The following ADTRP variants were observed in gnomAD, a reference collection of about 807,000 sequenced individuals.
The protein encoded by ADTRP is androgen-dependent TFPI-regulating protein.
Under a neutral mutation model 27.0 loss-of-function variants are expected in ADTRP, and 20 were observed. The observed-to-expected ratio is 0.74, with a 90% CI of 0.52 to 1.08. ADTRP has a LOEUF of 1.08. Ranked by LOEUF, ADTRP falls within the 50% of genes least tolerant of loss-of-function variation. The pLI, the probability that ADTRP is intolerant of heterozygous loss-of-function variation, is 0.00. For missense variants in ADTRP, 251 were observed against 275.0 expected (o/e 0.91, Z 0.62); for synonymous variants, 101 against 105.2 (o/e 0.96, Z 0.25).
chr6:11,721,730 C>A lies in ADTRP; in HGVS notation c.658+1619G>T, dbSNP rs201053749. Among the ~76,000 whole-genome samples, 16 of 152,182 alleles carry A rather than the reference C, an allele frequency of 1.1e-4. No individual in the cohort carries two copies. In the East Asian group the frequency reaches 2.7e-3, roughly 26 times the overall value. ...GAGGTAGTTGAGGGTCCATATGATG[C>A]CAGCTTATCTGTTTATTGAGACCTA... On this transcript the variant is annotated intron_variant, in intron 5 of 5. Transcript: ENST00000414691.
At chr6:11,769,483 C>T (rs967618688) in intron 1 of ADTRP, among the ~76,000 whole-genome samples, 5 of 152,242 alleles carry the variant, frequency 3.3e-5, no homozygotes, top group Non-Finnish European at 7.4e-5. Context: ...CACCCAGGAG[C>T]TTGTTAGAAA....
chr6:11,747,526 C>T (rs1369230525), intron 3 of ADTRP, among the ~76,000 whole-genome samples: 1 of 152,196 alleles, frequency 6.6e-6, no homozygotes, highest in Non-Finnish European at 1.5e-5. Context: ...TTATTCTGCC[C>T]TCAACATAAG....
chr6:11,717,171 T>C (rs1761860060), intron 5 of ADTRP: 1 of 892,726 alleles, frequency 1.1e-6, no homozygotes, highest in South Asian at 1.8e-5. Flanking sequence ...ATTTTCTTGA[T>C]TGAGAAGCAT....
intron 3 of ADTRP, among the ~76,000 whole-genome samples, chr6:11,764,140 C>T (rs1348405843): frequency 6.6e-6 from 1 of 152,208 alleles, no homozygotes; most frequent in Admixed American, 6.5e-5. Context: ...GCTTGTGAGG[C>T]ACAAAAATAT....
At chr6:11,719,185 GAGATGTAAT>G (rs1171647463) in intron 5 of ADTRP, among the ~76,000 whole-genome samples, 2 of 152,208 alleles carry the variant, frequency 1.3e-5, no homozygotes, top group Non-Finnish European at 2.9e-5. Context: ...CCAGGGTCCT[GAGATGTAAT>G]AGAGCCTTGT....
rs76049244 is a variant in ADTRP at position 11,772,060 on chromosome 6, C to A, written c.154-3677G>T. Among the ~76,000 whole-genome samples, 999 of 152,320 alleles carry A rather than the reference C, an allele frequency of 6.6e-3. 12 individuals carry two copies. The highest frequency in any genetic ancestry group is 0.023 in the African/African-American group (957 of 41,574). The stretch of plus-strand genomic sequence containing the variant: ...AACTGGTCTTCTTTTGAGACTCTTA[C>A]AACAAAATTACTATCATTTACATTT... On this transcript the variant is annotated intron_variant, in intron 1 of 5. Transcript: ENST00000414691.
At chr6:11,769,929 G>A (rs1227137664) in intron 1 of ADTRP, 8 of 1,278,600 alleles carry the variant, frequency 6.3e-6, no homozygotes, top group Non-Finnish European at 8.9e-6. Flanking sequence ...CTTGGTATGT[G>A]CCAGGCACTG....
chr6:11,768,276 G>A lies in ADTRP; in HGVS notation c.261C>T (p.Phe87=). 4 of 1,614,200 alleles carry A rather than the reference G, an allele frequency of 2.5e-6. No individual in the cohort carries two copies. Among genetic ancestry groups the A allele is most frequent in the Non-Finnish European group, 2.5e-6 (3 of 1,180,032 alleles). ...KFLTAFRDLL[F]TTLAFPVSTF... The stretch of plus-strand genomic sequence containing the variant: ...TGGATACAGGAAAAGCCAGAGTGGT[G>A]AAAAGCAGGTCTCTGAAGGCAGTTA... Residue 87 remains phenylalanine (F), a synonymous_variant, in exon 2 of 6, where the codon TTC becomes TTT. Transcript: ENST00000414691.
intron 3 of ADTRP, among the ~76,000 whole-genome samples, chr6:11,752,303 C>T (rs1191815605): frequency 6.6e-6 from 1 of 151,846 alleles, no homozygotes; most frequent in Admixed American, 6.6e-5. Flanking sequence ...TACGGTTTCG[C>T]TATATGGCCA....
At chr6:11,735,180 A>C (rs1396945064) in intron 4 of ADTRP, among the ~76,000 whole-genome samples, 1 of 152,234 alleles carries the variant, frequency 6.6e-6, no homozygotes, top group African/African-American at 2.4e-5. Context: ...TGCTCTGCCC[A>C]CTAAATGACT....
At chr6:11,762,283 C>G (rs894126809) in intron 3 of ADTRP, among the ~76,000 whole-genome samples, 1 of 152,238 alleles carries the variant, frequency 6.6e-6, no homozygotes, top group African/African-American at 2.4e-5. Flanking sequence ...CTTCCTTCAG[C>G]AATAACCATG....
rs571797409 is a variant in ADTRP at position 11,766,516 on chromosome 6, C to A, written c.289-141G>T. 4.1e-4 allele frequency: 212 copies of A among 521,806 alleles called. 1 individual carries two copies. The highest frequency in any genetic ancestry group is 4.0e-3 in the South Asian group (165 of 41,250). The allele number at this position is 521,806 out of a possible 1,614,324, so 32.3% of individuals were successfully genotyped here. ...ACATATACATTATAGGAATGTAGTA[C>A]ATATACATTACAGTAATTCTACAAT... On this transcript the variant is annotated intron_variant, in intron 2 of 5. Coordinates refer to ENST00000414691, the MANE Select transcript of ADTRP (RefSeq NM_032744.4).
chr6:11,754,886 C>T (rs1281475611), intron 3 of ADTRP: 3 of 264,382 alleles, frequency 1.1e-5, no homozygotes, highest in South Asian at 1.4e-4. Context: ...GCAGAGAAGG[C>T]GCTCTCATCC....
At chr6:11,759,957 CT>C (rs1447299609) in intron 3 of ADTRP, among the ~76,000 whole-genome samples, 1 of 152,138 alleles carries the variant, frequency 6.6e-6, no homozygotes, top group African/African-American at 2.4e-5. Flanking sequence ...GGTAAGTGGT[CT>C]GCCTGGAAGA....
At chr6:11,777,483 G>GTTT (rs1050384570) in intron 1 of ADTRP, among the ~76,000 whole-genome samples, 24 of 54,774 alleles carry the variant, frequency 4.4e-4, no homozygotes, top group Non-Finnish European at 9.4e-4. Context: ...TGTGTGTGTG[G>GTTT]TTTTTTGTTG....
chr6:11,715,805 G>GTTT (rs1561736105), intron 5 of ADTRP, among the ~76,000 whole-genome samples: 2 of 89,258 alleles, frequency 2.2e-5, no homozygotes, highest in Non-Finnish European at 4.1e-5. Flanking sequence ...ACCATGCCCA[G>GTTT]CTTTTTTTTT....
chr6:11,741,931 T>G (rs970161658), intron 3 of ADTRP, among the ~76,000 whole-genome samples: 1 of 152,112 alleles, frequency 6.6e-6, no homozygotes, highest in Non-Finnish European at 1.5e-5. Flanking sequence ...CTTCATTCAC[T>G]TTTCTACCAA....
At chr6:11,769,041 G>A (rs1420680212) in intron 1 of ADTRP, among the ~76,000 whole-genome samples, 1 of 152,118 alleles carries the variant, frequency 6.6e-6, no homozygotes, top group Non-Finnish European at 1.5e-5. Flanking sequence ...ACTAAGTGCT[G>A]TGTGGCCCCC....
intron 3 of ADTRP, among the ~76,000 whole-genome samples, chr6:11,764,405 C>T (rs917331032): frequency 1.3e-4 from 20 of 152,182 alleles, no homozygotes; most frequent in Admixed American, 3.9e-4. Flanking sequence ...AAGATGTTTG[C>T]TAGGTGCATT....
Sources: allele counts gnomAD v4.1 joint callset (sites outside exome capture counted in the v4.1 genomes callset), GRCh38; gene constraint gnomAD v4.1.1; transcripts MANE v1.5; gene names NCBI Gene and HGNC (gene_info 2026-07-23, HGNC 2026-07-21).